Variants in ZNG1F observed in about 807,000 individuals in gnomAD.
ZNG1F encodes Zn regulated GTPase metalloprotein activator 1F, also known as zinc-regulated GTPase metalloprotein activator 1F.
the ZNG1F span, among the ~76,000 whole-genome samples, chr9:41,155,356 C>T: frequency 6.7e-6 from 1 of 149,062 alleles, no homozygotes; most frequent in African/African-American, 2.5e-5. Context: ...CAGGAAACAA[C>T]AGGTGCTGGA....
chr9:41,138,131 C>A, the ZNG1F span, among the ~76,000 whole-genome samples: 17 of 137,690 alleles, frequency 1.2e-4, no homozygotes, highest in South Asian at 1.0e-3. Flanking sequence ...ATATGTTTCC[C>A]GGATTTGTTT....
At chr9:41,148,081 AC>A in the ZNG1F span, among the ~76,000 whole-genome samples, 310 of 140,340 alleles carry the variant, frequency 2.2e-3, no homozygotes, top group African/African-American at 7.0e-3. Context: ...AAATGAACAA[AC>A]CAAATTTATG....
At chr9:41,132,241 T>C in the ZNG1F span, 7 of 1,603,256 alleles carry the variant, frequency 4.4e-6, no homozygotes, top group Non-Finnish European at 5.1e-6. Context: ...TGAGGACCAA[T>C]CGATTTGTTC....
At chr9:41,156,273 AG>A in the ZNG1F span, 1 of 100,972 alleles carries the variant, frequency 9.9e-6, no homozygotes, top group African/African-American at 4.9e-5. Context: ...TGTATGCCAA[AG>A]GAATGGCAGG....
the ZNG1F span, chr9:41,196,354 G>A: frequency 5.7e-4 from 20 of 35,302 alleles, 5 homozygotes; most frequent in African/African-American, 1.3e-3. Flanking sequence ...TTATGCCACT[G>A]AAACTAATCC....
the ZNG1F span, chr9:41,172,882 G>GTTTTTT: frequency 1.1e-5 from 1 of 93,404 alleles, no homozygotes; most frequent in African/African-American, 4.3e-5. Flanking sequence ...ACAATGTACT[G>GTTTTTT]TTTTTTTCTC....
the ZNG1F span, chr9:41,157,621 C>T: frequency 1.0e-4 from 15 of 145,728 alleles, no homozygotes; most frequent in Non-Finnish European, 1.7e-4. Context: ...GGAAAAAAAA[C>T]ATCATTGGTC....
At chr9:41,137,241 A>G in the ZNG1F span, among the ~76,000 whole-genome samples, 1 of 150,398 alleles carries the variant, frequency 6.6e-6, no homozygotes, top group Non-Finnish European at 1.5e-5. Flanking sequence ...TGACCCAATG[A>G]TCATTCAGGA....
the ZNG1F span, among the ~76,000 whole-genome samples, chr9:41,187,019 G>A: frequency 1.4e-5 from 2 of 144,446 alleles, no homozygotes; most frequent in African/African-American, 5.1e-5. Flanking sequence ...CTGAGACAGA[G>A]GCCCTGAACA....
the ZNG1F span, among the ~76,000 whole-genome samples, chr9:41,154,884 C>T: frequency 2.0e-5 from 3 of 149,462 alleles, no homozygotes; most frequent in Non-Finnish European, 4.5e-5. Flanking sequence ...AATGTTAGAC[C>T]TAAAACCATA....
chr9:41,157,387 C>G, the ZNG1F span: 1 of 138,916 alleles, frequency 7.2e-6, no homozygotes, highest in Non-Finnish European at 1.5e-5. Context: ...TCATTTGAAC[C>G]TAGGAAGTGG....
chr9:41,141,351 TG>T, the ZNG1F span, among the ~76,000 whole-genome samples: 1 of 149,762 alleles, frequency 6.7e-6, no homozygotes. Context: ...GTGTTCCTTA[TG>T]GGGAATAAAC....
At chr9:41,195,510 T>A in the ZNG1F span, among the ~76,000 whole-genome samples, 1 of 130,902 alleles carries the variant, frequency 7.6e-6, no homozygotes, top group African/African-American at 2.7e-5. Flanking sequence ...GTAACATTGT[T>A]TGAATTCATT....
chr9:41,154,518 T>A, the ZNG1F span, among the ~76,000 whole-genome samples: 16 of 137,462 alleles, frequency 1.2e-4, no homozygotes, highest in African/African-American at 3.8e-4. Flanking sequence ...AAAGTTCATA[T>A]GGAACCAAAA....
the ZNG1F span, among the ~76,000 whole-genome samples, chr9:41,152,347 T>C: frequency 6.7e-6 from 1 of 149,236 alleles, no homozygotes; most frequent in Admixed American, 6.8e-5. Context: ...CCCAGATTCA[T>C]AAAGCAAGTC....
the ZNG1F span, among the ~76,000 whole-genome samples, chr9:41,193,548 C>T: frequency 4.0e-5 from 6 of 148,868 alleles, no homozygotes; most frequent in African/African-American, 1.5e-4. Context: ...ATAAGGAAGT[C>T]CCCTCTGCTC....
At chr9:41,166,430 A>T in the ZNG1F span, among the ~76,000 whole-genome samples, 1 of 39,878 alleles carries the variant, frequency 2.5e-5, no homozygotes, top group African/African-American at 7.3e-5. Context: ...AATAATAATA[A>T]TAATTATTAT....
the ZNG1F span, chr9:41,132,365 AAGG>A: frequency 6.2e-7 from 1 of 1,603,332 alleles, no homozygotes; most frequent in Non-Finnish European, 8.5e-7. Context: ...TCCCTGCTCA[AAGG>A]AGAATTGACT....
At chr9:41,203,046 G>C in the ZNG1F span, among the ~76,000 whole-genome samples, 105 of 152,084 alleles carry the variant, frequency 6.9e-4, no homozygotes, top group African/African-American at 2.5e-3. Flanking sequence ...TTTGTCTTAT[G>C]TTTCAGCATG....
Sources: gnomAD v4.1 joint callset for allele counts (sites outside exome capture counted in the v4.1 genomes callset) on GRCh38, gnomAD v4.1.1 for gene constraint, MANE v1.5 for transcripts, NCBI Gene and HGNC (gene_info 2026-07-23, HGNC 2026-07-21) for gene names.